The following CLDN16 variants were observed in gnomAD, a reference collection of about 807,000 sequenced individuals.
CLDN16 encodes claudin-16.
CLDN16 carries 13 observed loss-of-function variants against 24.6 expected under a neutral mutation model. That is an observed-to-expected ratio of 0.53 (90% confidence interval 0.34 to 0.84). The LOEUF (loss-of-function observed/expected upper bound fraction) is 0.84, where lower values mean the gene tolerates loss of function less well. Among genes scored for constraint, CLDN16 ranks in the 40% least tolerant of loss-of-function variants. The pLI is 0.01. For missense variants in CLDN16, 298 were observed against 292.7 expected (o/e 1.02, Z -0.13); for synonymous variants, 116 against 106.7 (o/e 1.09, Z -0.54).
the CLDN16 span, chr3:190,308,282 C>A: frequency 6.2e-7 from 1 of 1,613,744 alleles, no homozygotes; most frequent in Non-Finnish European, 8.5e-7. Flanking sequence ...CTGTGTCACA[C>A]GTAGTCTTTC....
intron 3 of CLDN16, among the ~76,000 whole-genome samples, chr3:190,378,684 C>G (rs1403823124): frequency 6.6e-6 from 1 of 151,906 alleles, no homozygotes; most frequent in African/African-American, 2.4e-5. Context: ...GAAACTTGTT[C>G]CTGAATAAGT....
upstream of CLDN16, among the ~76,000 whole-genome samples, chr3:190,387,208 G>T (rs114165333): frequency 5.8e-3 from 886 of 152,190 alleles, 10 homozygotes; most frequent in African/African-American, 0.02. Context: ...GTTGATATAT[G>T]TGCTTTTTAA....
At position 190,402,372 on chromosome 3, in the gene CLDN16, C is replaced by A. The variant is rs370592530; in HGVS notation, c.150C>A (p.Cys50Ter). Residue 50 changes from cysteine (C) to a stop codon, truncating the protein, a stop_gained, in exon 2 of 5, where the codon TGC becomes TGA. Coordinates refer to ENST00000264734, the MANE Select transcript of CLDN16 (RefSeq NM_006580.4). LOFTEE classifies it high-confidence loss of function. ...STKCRGLWWE[C>*]VTNAFDGIRT... ...AATGCCGAGGCCTCTGGTGGGAATG[C>A]GTCACAAATGCTTTTGATGGGATTC... The A allele has an allele frequency of 2.5e-6, 4 of 1,613,970 alleles. No individual in the cohort carries two copies. The highest frequency in any genetic ancestry group is 3.4e-6 in the Non-Finnish European group (4 of 1,179,968).
rs901678187 is a variant in CLDN16, at chr3:190,410,531, A to G, written c.*495A>G. On this transcript the variant is annotated 3_prime_UTR_variant, in exon 5 of 5. Transcript: ENST00000264734. ...TCTTTTAAATTCAAACTAGTATGTC[A>G]ATGCCTACCATTACTCTGATTATAT... 1.9e-5 allele frequency: 3 copies of G among 159,062 alleles called. No homozygotes were observed. Among genetic ancestry groups the G allele is most frequent in the Non-Finnish European group, 4.2e-5 (3 of 72,224 alleles). 9.9% of individuals were successfully genotyped at this position (159,062 alleles called of 1,614,324 possible). A position where few individuals can be genotyped will look rare whatever the true frequency, so the allele number is the denominator to read the frequency against.
intron 1 of CLDN16, among the ~76,000 whole-genome samples, chr3:190,352,143 T>G (rs1190669464): frequency 6.8e-6 from 1 of 147,120 alleles, no homozygotes; most frequent in African/African-American, 2.6e-5. Context: ...TTGAAAAAGT[T>G]TTTTTTTTTT....
chr3:190,370,548 T>A (rs1718116726), intron 1 of CLDN16, among the ~76,000 whole-genome samples: 1 of 151,960 alleles, frequency 6.6e-6, no homozygotes. Context: ...AGGGGTGTAA[T>A]TCACATGGCT....
rs773947198 is a variant in CLDN16 at position 190,388,295 on chromosome 3, G to C, written c.-35G>C. 6.2e-7 allele frequency: 1 copy of C among 1,614,090 alleles called. No individual in the cohort carries two copies. The highest frequency in any genetic ancestry group is 8.5e-7 in the Non-Finnish European group (1 of 1,180,006). On this transcript the variant is annotated 5_prime_UTR_variant, in exon 1 of 5. Coordinates refer to ENST00000264734, the MANE Select transcript of CLDN16 (RefSeq NM_006580.4). ...TTAAGTGGGGCCAGGGCTGGTGTCT[G>C]CCCATGTTGCCATCCTGATGGGCTG...
At chr3:190,395,023 A>G (rs1443202463) in intron 1 of CLDN16, among the ~76,000 whole-genome samples, 1 of 152,156 alleles carries the variant, frequency 6.6e-6, no homozygotes, top group Non-Finnish European at 1.5e-5. Context: ...GATAATTTGT[A>G]ATAATTTACT....
intron 1 of CLDN16, among the ~76,000 whole-genome samples, chr3:190,326,103 C>T (rs1232047563): frequency 1.3e-5 from 2 of 152,146 alleles, no homozygotes; most frequent in African/African-American, 4.8e-5. Context: ...GCATAACATC[C>T]TTGTGACTCA....
the CLDN16 span, among the ~76,000 whole-genome samples, chr3:190,292,298 C>A: frequency 6.6e-6 from 1 of 152,156 alleles, no homozygotes; most frequent in Admixed American, 6.5e-5. Context: ...TGAAAGTCAC[C>A]AAGGCTTGGG....
chr3:190,324,280 C>T (rs1577394808), intron 1 of CLDN16, among the ~76,000 whole-genome samples: 1 of 152,044 alleles, frequency 6.6e-6, no homozygotes, highest in South Asian at 2.1e-4. Context: ...ATCAGGAGTT[C>T]GAGATCAGCC....
intron 1 of CLDN16, among the ~76,000 whole-genome samples, chr3:190,363,801 T>A (rs1264514749): frequency 6.6e-6 from 1 of 151,496 alleles, no homozygotes; most frequent in Non-Finnish European, 1.5e-5. Context: ...GATCATATTT[T>A]GCACCTACCC....
At chr3:190,404,461 G>T (rs934427728) in intron 2 of CLDN16, among the ~76,000 whole-genome samples, 1 of 152,140 alleles carries the variant, frequency 6.6e-6, no homozygotes, top group Admixed American at 6.5e-5. Flanking sequence ...TTCCAGAGTA[G>T]GAGGCAAAAA....
At chr3:190,354,200 T>C (rs1216441247) in intron 1 of CLDN16, among the ~76,000 whole-genome samples, 1 of 152,004 alleles carries the variant, frequency 6.6e-6, no homozygotes, top group Non-Finnish European at 1.5e-5. Context: ...TGCAGAGGCA[T>C]TTTTTGGAGT....
chr3:190,306,601 A>G, the CLDN16 span: 1 of 152,624 alleles, frequency 6.6e-6, no homozygotes, highest in Admixed American at 6.5e-5. Flanking sequence ...ACAGCAGCCA[A>G]ATGCCTTGCT....
At chr3:190,293,832 G>T in the CLDN16 span, among the ~76,000 whole-genome samples, 1 of 152,188 alleles carries the variant, frequency 6.6e-6, no homozygotes, top group African/African-American at 2.4e-5. Context: ...TTTGTTTGCT[G>T]TTGGTAGGGG....
chr3:190,406,576 A>C (rs115581476), intron 3 of CLDN16, among the ~76,000 whole-genome samples: 418 of 152,266 alleles, frequency 2.7e-3, no homozygotes, highest in African/African-American at 9.8e-3. Context: ...TAAGCTTTGG[A>C]AACTTTAGAA....
chr3:190,332,769 G>A (rs1004199418), intron 1 of CLDN16, among the ~76,000 whole-genome samples: 1 of 130,558 alleles, frequency 7.7e-6, no homozygotes, highest in African/African-American at 2.8e-5. Flanking sequence ...GTATAGCAGA[G>A]CATGATTTTT....
At chr3:190,291,141 G>A in the CLDN16 span, among the ~76,000 whole-genome samples, 1 of 152,106 alleles carries the variant, frequency 6.6e-6, no homozygotes, top group Non-Finnish European at 1.5e-5. Context: ...AAATGTAAAT[G>A]GCCTGCAGTG....
Sources: gnomAD v4.1 joint callset for allele counts (sites outside exome capture counted in the v4.1 genomes callset) on GRCh38, gnomAD v4.1.1 for gene constraint, MANE v1.5 for transcripts, NCBI Gene and HGNC (gene_info 2026-07-23, HGNC 2026-07-21) for gene names.